NRXN1: variants seen among roughly 807,000 people sequenced by gnomAD.
NRXN1 encodes neurexin 1, also known as neurexin-1.
In NRXN1, 39 loss-of-function variants were observed where a neutral mutation model predicts 150.9. The ratio of observed to expected loss-of-function variants is 0.26; its 90% CI spans 0.20 to 0.34. The LOEUF (loss-of-function observed/expected upper bound fraction) is 0.34. NRXN1 is among the 10% of genes least tolerant of loss of function. The pLI is 1.00. For synonymous variants in NRXN1, 924 were observed against 757.0 expected, an observed-to-expected ratio of 1.22 and a Z score of -3.62; for missense variants, 1,815 against 1,949.9, an observed-to-expected ratio of 0.93 and a Z score of 1.30.
intron 21 of NRXN1, among the ~76,000 whole-genome samples, chr2:49,951,775 T>C (rs932645266): frequency 6.6e-6 from 1 of 151,976 alleles, no homozygotes; most frequent in Non-Finnish European, 1.5e-5. Flanking sequence ...TCAACATGAG[T>C]ATCTAGTCCT....
chr2:50,895,512 G>A (rs1681787246), intron 5 of NRXN1, among the ~76,000 whole-genome samples: 1 of 151,986 alleles, frequency 6.6e-6, no homozygotes, highest in South Asian at 2.1e-4. Flanking sequence ...TGAAATGAGT[G>A]GGTCACTATA....
intron 5 of NRXN1, among the ~76,000 whole-genome samples, chr2:50,799,599 TGTTTCTCACTTTCA>T (rs1288054394): frequency 1.3e-5 from 2 of 152,150 alleles, no homozygotes; most frequent in African/African-American, 4.8e-5. Context: ...ATAACCATTC[TGTTTCTCACTTTCA>T]GTACAGTATT....
chr2:50,825,614 T>C (rs999821371), intron 5 of NRXN1, among the ~76,000 whole-genome samples: 2 of 152,210 alleles, frequency 1.3e-5, no homozygotes, highest in African/African-American at 4.8e-5. Context: ...TTCATCTGAC[T>C]GTTTATCTGT....
intron 8 of NRXN1, among the ~76,000 whole-genome samples, chr2:50,562,052 T>C (rs1302912757): frequency 6.6e-6 from 1 of 152,158 alleles, no homozygotes; most frequent in Non-Finnish European, 1.5e-5. Flanking sequence ...AAAGTAGCAC[T>C]ATTATTATTA....
In NRXN1 at chr2:50,088,614, G is replaced by C. The variant is rs180744266; in HGVS notation, c.3718+2709C>G. Among the ~76,000 whole-genome samples, 13 of 152,256 alleles carry C rather than the reference G, an allele frequency of 8.5e-5. No individual in the cohort carries two copies. The East Asian group carries it at 2.3e-3, about 27-fold the overall frequency. ...TGTATCTGAAATAACTATATGTAAA[G>C]ATTTGCTTCTTATTACGATACTGCT... is the stretch of plus-strand genomic sequence containing the variant. On this transcript the variant is annotated intron_variant, in intron 19 of 22. Coordinates refer to ENST00000401669, the MANE Select transcript of NRXN1 (RefSeq NM_001330078.2).
chr2:50,747,164 A>G (rs960123983), intron 5 of NRXN1, among the ~76,000 whole-genome samples: 2 of 152,170 alleles, frequency 1.3e-5, no homozygotes, highest in African/African-American at 4.8e-5. Context: ...ACAACGGGTC[A>G]TTTAGGTTGC....
chr2:50,260,106 C>G (rs369675196), intron 17 of NRXN1, among the ~76,000 whole-genome samples: 71 of 151,928 alleles, frequency 4.7e-4, no homozygotes, highest in African/African-American at 1.7e-3. Flanking sequence ...AAGCATTTCC[C>G]TAACAAACAA....
rs189797111 is a variant in NRXN1 at position 50,466,867 on chromosome 2, T to C, written c.3245-1306A>G. Reference sequence around the variant, plus strand: ...CACCATTCATCATGTGCAGATACAGTGTAGACTATGATCAGTAGCAAAGCA... The same window carrying C: ...CACCATTCATCATGTGCAGATACAGCGTAGACTATGATCAGTAGCAAAGCA... On this transcript the variant is annotated intron_variant, in intron 16 of 22. Transcript: ENST00000401669. Among the ~76,000 whole-genome samples, 9 of 151,902 alleles carry C rather than the reference T, an allele frequency of 5.9e-5. No individual in the cohort carries two copies. In the East Asian group the frequency reaches 1.8e-3, roughly 30 times the overall value.
At chr2:50,303,926 C>CA (rs55755053) in intron 17 of NRXN1, among the ~76,000 whole-genome samples, 91,124 of 151,686 alleles carry the variant, frequency 0.6, 27,748 homozygotes, top group African/African-American at 0.68. Context: ...TCTTCTGTGG[C>CA]AAAAAAATAT....
intron 21 of NRXN1, among the ~76,000 whole-genome samples, chr2:50,046,535 G>T (rs1156298309): frequency 1.3e-5 from 2 of 152,158 alleles, no homozygotes; most frequent in African/African-American, 4.8e-5. Context: ...CAGGTACTTT[G>T]AACATTTCTT....
chr2:50,783,968 G>A (rs1292843475), intron 5 of NRXN1, among the ~76,000 whole-genome samples: 1 of 152,050 alleles, frequency 6.6e-6, no homozygotes, highest in African/African-American at 2.4e-5. Context: ...AAAGCTACAA[G>A]TAACAAATAT....
At chr2:50,205,193 C>G (rs1165654833) in intron 18 of NRXN1, among the ~76,000 whole-genome samples, 1 of 152,044 alleles carries the variant, frequency 6.6e-6, no homozygotes, top group Non-Finnish European at 1.5e-5. Flanking sequence ...AATTCTGCTA[C>G]TAATATATCA....
At chr2:50,791,730 T>C (rs949747308) in intron 5 of NRXN1, among the ~76,000 whole-genome samples, 10 of 152,176 alleles carry the variant, frequency 6.6e-5, no homozygotes, top group African/African-American at 2.4e-4. Flanking sequence ...ATTTAAACGT[T>C]ATTTTAAAAT....
rs538554876 is a variant in NRXN1 at position 50,890,438 on chromosome 2, T to C, written c.832+31431A>G. 2.6e-5 allele frequency among the ~76,000 whole-genome samples: 4 copies of C among 151,930 alleles called. No individual in the cohort carries two copies. In the South Asian group the frequency reaches 6.2e-4, roughly 24 times the overall value. ...AATTAAAAGACTGAAACTGACTTATTTTATTTAATGGAGGACATTTAAGGA... is the reference window on the plus strand; with the variant it reads ...AATTAAAAGACTGAAACTGACTTATCTTATTTAATGGAGGACATTTAAGGA... On this transcript the variant is annotated intron_variant, in intron 5 of 22. Transcript: ENST00000401669.
chr2:49,952,346 C>CA lies in NRXN1; in HGVS notation c.4129-8556dup, dbSNP rs140013497. Among the ~76,000 whole-genome samples the CA allele has an allele frequency of 8.8e-3, 1,344 of 152,134 alleles. 27 individuals are homozygous for CA. The highest frequency in any genetic ancestry group is 0.03 in the African/African-American group (1,262 of 41,534). On this transcript the variant is annotated intron_variant, in intron 21 of 22. Coordinates refer to ENST00000401669, the MANE Select transcript of NRXN1 (RefSeq NM_001330078.2). ...ATTGTCCTGAAGAAATACACACAGACAGGAGGTGCATATTCACAGCTTCTG... is the reference window on the plus strand; with the variant it reads ...ATTGTCCTGAAGAAATACACACAGACAAGGAGGTGCATATTCACAGCTTCTG...
intron 16 of NRXN1, among the ~76,000 whole-genome samples, chr2:50,467,175 T>C (rs2088977807): frequency 6.6e-6 from 1 of 151,748 alleles, no homozygotes; most frequent in South Asian, 2.1e-4. Flanking sequence ...ATGCCACTTA[T>C]GAATTTCAGA....
chr2:50,425,833 T>G (rs980457324), intron 17 of NRXN1, among the ~76,000 whole-genome samples: 4 of 152,116 alleles, frequency 2.6e-5, no homozygotes, highest in African/African-American at 9.7e-5. Context: ...CCACACCTTC[T>G]CACCTTTTCA....
intron 17 of NRXN1, among the ~76,000 whole-genome samples, chr2:50,240,570 C>T (rs576157938): frequency 6.6e-6 from 1 of 151,762 alleles, no homozygotes; most frequent in Non-Finnish European, 1.5e-5. Context: ...CCTCCTTTAA[C>T]ACACATCTTT....
chr2:50,275,035 A>G (rs75759012), intron 17 of NRXN1, among the ~76,000 whole-genome samples: 12,636 of 152,228 alleles, frequency 0.083, 625 homozygotes, highest in Middle Eastern at 0.15. Flanking sequence ...AAAAGAAACT[A>G]AGCATCATAA....
Sources: gnomAD v4.1 joint callset for allele counts (sites outside exome capture counted in the v4.1 genomes callset) on GRCh38, gnomAD v4.1.1 for gene constraint, MANE v1.5 for transcripts, NCBI Gene and HGNC (gene_info 2026-07-23, HGNC 2026-07-21) for gene names.